Variants in HIVEP3 observed in about 807,000 individuals in gnomAD.
The protein encoded by HIVEP3 is transcription factor HIVEP3.
Under a neutral mutation model 152.8 loss-of-function variants are expected in HIVEP3, and 49 were observed. The ratio of observed to expected loss-of-function variants is 0.32; its 90% CI spans 0.26 to 0.41. The LOEUF is 0.41. Among genes scored for constraint, HIVEP3 ranks in the 10% least tolerant of loss-of-function variants. HIVEP3 has a pLI of 1.00. For synonymous variants in HIVEP3, 1,269 were observed against 1,289.0 expected (o/e 0.98, Z 0.33); for missense variants, 2,790 against 3,103.3 (o/e 0.90, Z 2.40).
At chr1:41,888,969 A>T (rs1468183141) in intron 1 of HIVEP3, among the ~76,000 whole-genome samples, 1 of 136,518 alleles carries the variant, frequency 7.3e-6, no homozygotes, top group Non-Finnish European at 1.5e-5. Context: ...ACACACACAC[A>T]CAAAGACCAC....
At chr1:41,906,013 T>TA (rs574453763) in intron 1 of HIVEP3, among the ~76,000 whole-genome samples, 2 of 152,220 alleles carry the variant, frequency 1.3e-5, no homozygotes, top group Admixed American at 6.5e-5. Context: ...GGTGGATGGA[T>TA]AAAAAATCTG....
In HIVEP3 at chr1:41,553,616, A is replaced by T. The variant is rs554400748; in HGVS notation, c.5207+21928T>A. ...GCATCGATGGTCTTTACAATCTGGC[A>T]TGTTTTTGCAGTGGCTGGTACTGGT... On this transcript the variant is annotated intron_variant, in intron 5 of 8. Transcript: ENST00000372583. Among the ~76,000 whole-genome samples the T allele has an allele frequency of 2.3e-3, 343 of 152,316 alleles. 1 individual carries two copies. Among genetic ancestry groups the T allele is most frequent in the Middle Eastern group, 0.01 (3 of 294 alleles).
At position 41,571,903 on chromosome 1, in the gene HIVEP3, G is replaced by C. The variant is rs532481260; in HGVS notation, c.5207+3641C>G. Among the ~76,000 whole-genome samples, 18 of 152,304 alleles carry C rather than the reference G, an allele frequency of 1.2e-4. No individual in the cohort carries two copies. The East Asian group carries it at 3.1e-3, about 26-fold the overall frequency. On this transcript the variant is annotated intron_variant, in intron 5 of 8. Coordinates refer to ENST00000372583, the MANE Select transcript of HIVEP3 (RefSeq NM_024503.5). ...GCAGAATCATGTTTAGTGATGCTCA[G>C]TGGCACCAACTTTGGAGTTCTAGAG...
At chr1:41,815,523 C>A (rs1193501130) in intron 1 of HIVEP3, among the ~76,000 whole-genome samples, 1 of 152,030 alleles carries the variant, frequency 6.6e-6, no homozygotes, top group Non-Finnish European at 1.5e-5. Context: ...ACAGAAGGAA[C>A]AACAAGTACA....
intron 1 of HIVEP3, among the ~76,000 whole-genome samples, chr1:41,980,052 A>G (rs1213395613): frequency 1.3e-5 from 2 of 152,224 alleles, no homozygotes; most frequent in African/African-American, 4.8e-5. Context: ...AATCTTTAAG[A>G]AACAATGGTA....
At chr1:41,982,315 C>A (rs955871786) in intron 1 of HIVEP3, among the ~76,000 whole-genome samples, 1 of 152,182 alleles carries the variant, frequency 6.6e-6, no homozygotes, top group African/African-American at 2.4e-5. Flanking sequence ...TTCTTCCGCA[C>A]AAACAAAAGC....
intron 1 of HIVEP3, among the ~76,000 whole-genome samples, chr1:41,943,657 C>T (rs1327788163): frequency 6.6e-6 from 1 of 152,136 alleles, no homozygotes; most frequent in African/African-American, 2.4e-5. Flanking sequence ...GAATCTAGTT[C>T]TGATTTATTT....
At chr1:41,896,577 C>CT (rs35154367) in intron 1 of HIVEP3, among the ~76,000 whole-genome samples, 4,159 of 141,300 alleles carry the variant, frequency 0.029, 163 homozygotes, top group African/African-American at 0.094. Flanking sequence ...CTTTTCTTTT[C>CT]TTTTTTTTTT....
chr1:41,777,000 T>C (rs1424335280), intron 1 of HIVEP3, among the ~76,000 whole-genome samples: 1 of 152,162 alleles, frequency 6.6e-6, no homozygotes, highest in Non-Finnish European at 1.5e-5. Context: ...GCAGTTACAC[T>C]GGACTTCAGC....
At chr1:41,663,198 A>T (rs1645745988) in intron 2 of HIVEP3, among the ~76,000 whole-genome samples, 1 of 152,188 alleles carries the variant, frequency 6.6e-6, no homozygotes, top group African/African-American at 2.4e-5. Flanking sequence ...TATTTCACTG[A>T]TGCCCACCAG....
At chr1:41,568,731 A>G (rs1467633289) in intron 5 of HIVEP3, among the ~76,000 whole-genome samples, 1 of 152,258 alleles carries the variant, frequency 6.6e-6, no homozygotes, top group African/African-American at 2.4e-5. Flanking sequence ...CCAAGCATCT[A>G]GAAAAATGAA....
At chr1:41,889,411 G>C (rs114137854) in intron 1 of HIVEP3, among the ~76,000 whole-genome samples, 3,362 of 152,202 alleles carry the variant, frequency 0.022, 70 homozygotes, top group Middle Eastern at 0.027. Flanking sequence ...CCCCGACACT[G>C]CCACCTCATT....
intron 5 of HIVEP3, among the ~76,000 whole-genome samples, chr1:41,540,116 C>T (rs1475394215): frequency 6.6e-6 from 1 of 152,200 alleles, no homozygotes; most frequent in Non-Finnish European, 1.5e-5. Flanking sequence ...TGGAAGCCCC[C>T]CATTGGGGCT....
At chr1:41,883,216 T>C (rs1389816251) in intron 1 of HIVEP3, among the ~76,000 whole-genome samples, 1 of 151,098 alleles carries the variant, frequency 6.6e-6, no homozygotes, top group African/African-American at 2.4e-5. Flanking sequence ...CTGGCTGGGG[T>C]GGGACTGGCA....
chr1:41,896,729 CA>C (rs1644534456), intron 1 of HIVEP3, among the ~76,000 whole-genome samples: 1 of 152,040 alleles, frequency 6.6e-6, no homozygotes, highest in Non-Finnish European at 1.5e-5. Context: ...TGCGTGCCAC[CA>C]CACCCGGCTA....
intron 5 of HIVEP3, among the ~76,000 whole-genome samples, chr1:41,526,340 C>T (rs1430710823): frequency 2.1e-5 from 3 of 146,036 alleles, no homozygotes; most frequent in Admixed American, 6.7e-5. Flanking sequence ...AAAACATGCT[C>T]ACACCCCACA....
At chr1:41,800,871 G>A (rs1172227211) in intron 1 of HIVEP3, among the ~76,000 whole-genome samples, 3 of 152,176 alleles carry the variant, frequency 2.0e-5, no homozygotes, top group Non-Finnish European at 4.4e-5. Flanking sequence ...TAATGTTCCA[G>A]ACAGGGCCTA....
intron 6 of HIVEP3, among the ~76,000 whole-genome samples, chr1:41,518,836 C>A: frequency 1.3e-5 from 1 of 76,064 alleles, no homozygotes; most frequent in South Asian, 4.0e-4. Context: ...TTTTTTTTTG[C>A]TTCTGATTTA....
At position 41,513,357 on chromosome 1, in the gene HIVEP3, C is replaced by A. The variant is rs559229222; in HGVS notation, c.5864G>T (p.Gly1955Val). 5.0e-6 allele frequency: 8 copies of A among 1,612,720 alleles called. No homozygotes were observed. Among genetic ancestry groups the A allele is most frequent in the African/African-American group, 4.0e-5 (3 of 75,030 alleles). The change falls in exon 8 of 9, where the codon GGC (glycine) becomes GTC (valine). Residue 1955 changes from glycine (G) to valine (V), a missense_variant. Gly to Val is a moderately radical substitution (Grantham distance 109). Transcript: ENST00000372583. Reference protein sequence around the residue: ...APLGSVEKDTGSALSYKPVSP... With the variant: ...APLGSVEKDTVSALSYKPVSP... ...CACAGGCTTGTAGCTCAAGGCTGAG[C>A]CTGTGTCTTTCTCCACAGAGCCCAG...
Sources: allele counts gnomAD v4.1 joint callset (sites outside exome capture counted in the v4.1 genomes callset), GRCh38; gene constraint gnomAD v4.1.1; transcripts MANE v1.5; gene names NCBI Gene and HGNC (gene_info 2026-07-23, HGNC 2026-07-21).